The following PVT1 variants were observed in gnomAD, a reference collection of about 807,000 sequenced individuals.
The protein encoded by PVT1 is CXCR4/PVT1 fusion.
In PVT1 at chr8:128,022,469, A is replaced by G. The variant is rs527776257; in HGVS notation, n.912+33178A>G. Among the ~76,000 whole-genome samples the G allele has an allele frequency of 1.3e-4, 20 of 152,204 alleles. No homozygotes were observed. The East Asian group carries it at 3.7e-3, about 28-fold the overall frequency. ...TTCTGTTGGCCAGAGCTTGTGCTAGATCTCCACCTGGGTCAGGAAGGCATT... is the reference window on the plus strand; with the variant it reads ...TTCTGTTGGCCAGAGCTTGTGCTAGGTCTCCACCTGGGTCAGGAAGGCATT... On this transcript the variant is annotated intron_variant and non_coding_transcript_variant, in intron 4 of 10. Transcript: ENST00000651587.
At chr8:127,984,921 C>CT in intron 3 of PVT1, among the ~76,000 whole-genome samples, 1 of 112,314 alleles carries the variant, frequency 8.9e-6, no homozygotes, top group East Asian at 2.7e-4. Flanking sequence ...TTCTTTCTTT[C>CT]TCTTTCTCTT....
chr8:127,833,069 C>T (rs143925730), intron 2 of PVT1, among the ~76,000 whole-genome samples: 106 of 152,298 alleles, frequency 7.0e-4, no homozygotes, highest in African/African-American at 2.3e-3. Context: ...GTGGGCAACA[C>T]TATTATGGCT....
At chr8:127,984,942 T>TTTCC (rs1816942179) in intron 3 of PVT1, among the ~76,000 whole-genome samples, 1 of 146,094 alleles carries the variant, frequency 6.8e-6, no homozygotes, top group East Asian at 2.0e-4. Context: ...TCTTTCTTTC[T>TTTCC]TTCCCCTTCC....
At chr8:127,839,263 C>A (rs563432603) in intron 2 of PVT1, among the ~76,000 whole-genome samples, 1 of 152,060 alleles carries the variant, frequency 6.6e-6, no homozygotes, top group Admixed American at 6.6e-5. Flanking sequence ...TAATAAAAGG[C>A]GGGCTGGGTG....
intron 2 of PVT1, among the ~76,000 whole-genome samples, chr8:127,811,628 TAGTC>T (rs1459002535): frequency 6.6e-6 from 1 of 152,282 alleles, no homozygotes; most frequent in African/African-American, 2.4e-5. Context: ...ACTTTAGTGA[TAGTC>T]TGTATGTGCC....
chr8:127,874,621 A>G (rs1815385273), intron 2 of PVT1, among the ~76,000 whole-genome samples: 1 of 152,186 alleles, frequency 6.6e-6, no homozygotes, highest in Non-Finnish European at 1.5e-5. Flanking sequence ...CTTGGTGTGC[A>G]GTGTCTCTGA....
chr8:127,836,443 A>G (rs1740343254), intron 2 of PVT1, among the ~76,000 whole-genome samples: 2 of 152,036 alleles, frequency 1.3e-5, no homozygotes, highest in Admixed American at 1.3e-4. Flanking sequence ...TATTTTTTCT[A>G]TGAAAGGTGA....
chr8:128,000,739 TTTG>T (rs948076455), intron 4 of PVT1, among the ~76,000 whole-genome samples: 2 of 152,090 alleles, frequency 1.3e-5, no homozygotes, highest in Non-Finnish European at 2.9e-5. Context: ...GTGTAGGGCT[TTTG>T]TTGTTGTTGT....
rs146017469 is a variant in PVT1 at position 127,919,600 on chromosome 8, G to A, written n.782+28602G>A. 1.1e-4 allele frequency among the ~76,000 whole-genome samples: 17 copies of A among 152,314 alleles called. 1 individual carries two copies. Among genetic ancestry groups the A allele is most frequent in the African/African-American group, 3.8e-4 (16 of 41,578 alleles). On this transcript the variant is annotated intron_variant and non_coding_transcript_variant, in intron 3 of 10. Transcript: ENST00000651587. ...CGGCTCTATTGGCGACTGTGGCATA[G>A]GGTGGTGGAAAGGACGCTGGACTGA...
chr8:128,029,120 A>G (rs1813358963), intron 4 of PVT1, among the ~76,000 whole-genome samples: 1 of 151,164 alleles, frequency 6.6e-6, no homozygotes, highest in Non-Finnish European at 1.5e-5. Context: ...TCTTGGGACT[A>G]CAGCACCACC....
intron 2 of PVT1, among the ~76,000 whole-genome samples, chr8:127,806,371 G>T (rs112995515): frequency 1.3e-5 from 2 of 152,016 alleles, no homozygotes; most frequent in African/African-American, 4.8e-5. Flanking sequence ...TGAGGCAGGA[G>T]AATCGCTTGA....
chr8:127,932,759 A>ATAGG (rs1293866540), intron 3 of PVT1: 7 of 343,500 alleles, frequency 2.0e-5, no homozygotes, highest in Non-Finnish European at 3.6e-5. Flanking sequence ...CAATAAGCTG[A>ATAGG]TATATAGTAG....
At chr8:128,052,760 G>A (rs768936247) in intron 4 of PVT1, among the ~76,000 whole-genome samples, 1 of 152,220 alleles carries the variant, frequency 6.6e-6, no homozygotes, top group African/African-American at 2.4e-5. Flanking sequence ...CACACTATGT[G>A]CAGGGCACAG....
chr8:127,986,644 C>T (rs1355999611), intron 3 of PVT1, among the ~76,000 whole-genome samples: 4 of 152,192 alleles, frequency 2.6e-5, no homozygotes, highest in Non-Finnish European at 5.9e-5. Flanking sequence ...CTCCTTGTGG[C>T]CTGTCACTCT....
intron 3 of PVT1, among the ~76,000 whole-genome samples, chr8:127,911,937 G>A (rs1008163561): frequency 2.6e-5 from 4 of 152,194 alleles, no homozygotes; most frequent in African/African-American, 7.2e-5. Context: ...GGTGGTGCTC[G>A]TTTCATAATG....
intron 3 of PVT1, among the ~76,000 whole-genome samples, chr8:127,908,437 G>A (rs893536350): frequency 7.9e-5 from 12 of 151,722 alleles, no homozygotes; most frequent in East Asian, 7.8e-4. Flanking sequence ...CGCCTCCTGG[G>A]TTCAAGCGAT....
In PVT1 at chr8:128,034,466, A is replaced by G. The variant is rs78862287; in HGVS notation, n.913-35694A>G. ...AGGGCTTCGCTCTGGTCCAGAATAC[A>G]CTTACTGTGCTGTTCTAGCTCATCT... On this transcript the variant is annotated intron_variant and non_coding_transcript_variant, in intron 4 of 10. Transcript: ENST00000651587. Among the ~76,000 whole-genome samples the G allele has an allele frequency of 5.1e-3, 773 of 152,114 alleles. 2 individuals carry two copies. The highest frequency in any genetic ancestry group is 0.027 in the Middle Eastern group (8 of 294).
intron 4 of PVT1, among the ~76,000 whole-genome samples, chr8:128,035,698 C>T (rs1813454148): frequency 6.6e-6 from 1 of 152,192 alleles, no homozygotes; most frequent in Non-Finnish European, 1.5e-5. Context: ...TGCTGAATTA[C>T]TCAGGTGGAC....
intron 2 of PVT1, among the ~76,000 whole-genome samples, chr8:127,861,521 T>A (rs1026989259): frequency 3.9e-5 from 6 of 151,992 alleles, no homozygotes; most frequent in Admixed American, 3.9e-4. Flanking sequence ...ACCCTTAACA[T>A]CTTGTTGTCT....
Sources: allele counts gnomAD v4.1 joint callset (sites outside exome capture counted in the v4.1 genomes callset), GRCh38; gene constraint gnomAD v4.1.1; transcripts MANE v1.5; gene names NCBI Gene and HGNC (gene_info 2026-07-23, HGNC 2026-07-21).